Variants in PGM3 observed in about 807,000 individuals in gnomAD.
The protein encoded by PGM3 is phosphoacetylglucosamine mutase.
PGM3 carries 40 observed loss-of-function variants against 66.2 expected under a neutral mutation model. The ratio of observed to expected loss-of-function variants is 0.60; its 90% CI spans 0.47 to 0.79. The LOEUF (loss-of-function observed/expected upper bound fraction) is 0.79, where lower values mean the gene tolerates loss of function less well. Ranked by LOEUF, PGM3 falls within the 30% of genes least tolerant of loss-of-function variation. The pLI is 0.00. For synonymous variants in PGM3, 191 were observed against 224.2 expected, an observed-to-expected ratio of 0.85 and a Z score of 1.32; for missense variants, 537 against 643.4, an observed-to-expected ratio of 0.83 and a Z score of 1.79.
chr6:83,171,333 T>TA (rs1457135003), intron 11 of PGM3: 2 of 152,174 alleles, frequency 1.3e-5, no homozygotes, highest in African/African-American at 4.8e-5. Context: ...TTTTCCATAA[T>TA]AAAATCTCTT....
At chr6:83,174,861 T>C (rs1787638262) in intron 9 of PGM3, among the ~76,000 whole-genome samples, 1 of 152,326 alleles carries the variant, frequency 6.6e-6, no homozygotes, top group South Asian at 2.1e-4. Context: ...CTTTGAAGGA[T>C]ATAATTCATT....
At chr6:83,174,664 A>G (rs1787619401) in intron 9 of PGM3, among the ~76,000 whole-genome samples, 177 bp from the exon 10 acceptor site, 1 of 152,186 alleles carries the variant, frequency 6.6e-6, no homozygotes, top group East Asian at 1.9e-4. Flanking sequence ...AACCCAGAGG[A>G]TAGTACTAGG....
chr6:83,181,831 C>T lies in PGM3; in HGVS notation c.692G>A (p.Gly231Asp). 1.2e-6 allele frequency: 2 copies of T among 1,613,918 alleles called. No homozygotes were observed. The highest frequency in any genetic ancestry group is 2.2e-5 in the South Asian group (2 of 91,078). Residue 231 changes from glycine (G) to aspartate (D), a missense_variant, in exon 6 of 13, where the codon GGC becomes GAC. Physicochemically the swap from Gly to Asp is moderately conservative, Grantham distance 94 (BLOSUM62 -1). Transcript: ENST00000513973. ...ATCATTAAACAGCTGAACTGACAGG[C>T]CCTGTGAGAAGTAGTGTTCCATTTC... ...LREMEHYFSQGLSVQLFNDGS... is the reference protein window; with the variant it reads ...LREMEHYFSQDLSVQLFNDGS...
chr6:83,191,165 A>T, intron 1 of PGM3, 151 bp from the exon 2 acceptor site: 1 of 1,510,546 alleles, frequency 6.6e-7, no homozygotes, highest in South Asian at 1.2e-5. Context: ...GCAGGAGAGT[A>T]AGTCCTGTGG....
At chr6:83,179,203 T>C (rs1186156966) in intron 7 of PGM3, among the ~76,000 whole-genome samples, 1 of 149,544 alleles carries the variant, frequency 6.7e-6, no homozygotes, top group Non-Finnish European at 1.5e-5. Context: ...CCCAGCTACT[T>C]GGGAGGCTGA....
chr6:83,181,506 G>A (rs1386704638), intron 6 of PGM3, among the ~76,000 whole-genome samples: 5 of 152,112 alleles, frequency 3.3e-5, no homozygotes, highest in Non-Finnish European at 7.3e-5. Flanking sequence ...TCCTGACTTT[G>A]CTTTCCCCAC....
the PGM3 span, among the ~76,000 whole-genome samples, chr6:83,153,222 T>A: frequency 1.3e-5 from 2 of 152,184 alleles, no homozygotes; most frequent in Admixed American, 6.5e-5. Flanking sequence ...TAGTACTAAA[T>A]TCACTGTTTA....
intron 10 of PGM3, among the ~76,000 whole-genome samples, chr6:83,173,891 C>T (rs1424607743): frequency 6.6e-6 from 1 of 152,080 alleles, no homozygotes; most frequent in Non-Finnish European, 1.5e-5. Flanking sequence ...TGCCCGCCAC[C>T]ATGCCCGGCT....
chr6:83,166,994 T>G lies in PGM3; in HGVS notation c.*2240A>C. ...CTGCCCAAGTTCAACCAACCTGTTC[T>G]CTCTTATCTTTCTCTAGACAGAATG... On this transcript the variant is annotated 3_prime_UTR_variant, in exon 13 of 13. Transcript: ENST00000513973. The G allele has an allele frequency of 1.0e-6, 1 of 985,848 alleles. No homozygotes were observed. The highest frequency in any genetic ancestry group is 1.2e-6 in the Non-Finnish European group (1 of 830,236). 61.1% of individuals were successfully genotyped at this position (985,848 alleles called of 1,614,324 possible). A position where few individuals can be genotyped will look rare whatever the true frequency, so the allele number is the denominator to read the frequency against.
intron 1 of PGM3, 149 bp from the exon 2 acceptor site, chr6:83,191,163 G>A (rs563645147): frequency 1.3e-6 from 2 of 1,507,388 alleles, no homozygotes; most frequent in South Asian, 1.2e-5. Context: ...GGGCAGGAGA[G>A]TAAGTCCTGT....
intron 8 of PGM3, among the ~76,000 whole-genome samples, chr6:83,177,763 CA>C (rs1349517240): frequency 1.3e-5 from 2 of 152,096 alleles, no homozygotes; most frequent in Non-Finnish European, 2.9e-5. Flanking sequence ...GATACATGAC[CA>C]CTCTTGACAT....
intron 10 of PGM3, among the ~76,000 whole-genome samples, 155 bp from the exon 11 acceptor site, chr6:83,172,214 C>T (rs1476446469): frequency 6.6e-6 from 1 of 152,168 alleles, no homozygotes; most frequent in Non-Finnish European, 1.5e-5. Flanking sequence ...AAATTCCACA[C>T]CTGGCCTCCT....
intron 10 of PGM3, among the ~76,000 whole-genome samples, chr6:83,173,819 C>T (rs1037274541): frequency 3.3e-5 from 5 of 152,154 alleles, no homozygotes; most frequent in African/African-American, 1.2e-4. Flanking sequence ...TCACTGCAAG[C>T]TCTGCCTCCC....
downstream of PGM3, among the ~76,000 whole-genome samples, chr6:83,156,543 C>T (rs138639138): frequency 1.8e-4 from 28 of 152,274 alleles, no homozygotes; most frequent in African/African-American, 6.3e-4. Context: ...TCGGTAACTT[C>T]ATCAAGTGGG....
chr6:83,192,170 G>A (rs74556255), intron 1 of PGM3, among the ~76,000 whole-genome samples: 14,104 of 151,602 alleles, frequency 0.093, 847 homozygotes, highest in Non-Finnish European at 0.13. Context: ...GGAGGCTGAC[G>A]CAGGAGAATC....
At chr6:83,177,535 T>G (rs1015298793) in intron 8 of PGM3, among the ~76,000 whole-genome samples, 1 of 152,156 alleles carries the variant, frequency 6.6e-6, no homozygotes, top group Non-Finnish European at 1.5e-5. Context: ...TGCTAAGAGA[T>G]AGCAAAGATA....
Position 83,191,222 on chromosome 6 carries a change from T to C in PGM3, c.-2-208A>G, listed in dbSNP as rs1162624008. The C allele has an allele frequency of 1.8e-5, 28 of 1,535,304 alleles. No individual in the cohort carries two copies. Among genetic ancestry groups the C allele is most frequent in the Non-Finnish European group, 2.4e-5 (28 of 1,146,750 alleles). On this transcript the variant is annotated intron_variant, in intron 1 of 12. Transcript: ENST00000513973. ...TTGTCCAACTTGGTATGTCCACTCC[T>C]GGGCAGACTCAGGGCAGATAGCAGA...
chr6:83,148,957 G>C, the PGM3 span: 3 of 692,400 alleles, frequency 4.3e-6, no homozygotes, highest in East Asian at 1.0e-4. Flanking sequence ...AGGTGACAGT[G>C]ATCTCTCTAC....
At position 83,168,377 on chromosome 6, in the gene PGM3, A is replaced by G; in HGVS notation, c.*857T>C. 7.3e-7 allele frequency: 1 copy of G among 1,370,694 alleles called. No individual in the cohort carries two copies. Among genetic ancestry groups the G allele is most frequent in the South Asian group, 1.7e-5 (1 of 60,464 alleles). 84.9% of individuals were successfully genotyped at this position (1,370,694 alleles called of 1,614,324 possible). Reference sequence around the variant, plus strand: ...TTGGCTCATACTGATTATGGTGCCTAAGAGAGCTATATATATACACATGTA... The same window carrying G: ...TTGGCTCATACTGATTATGGTGCCTGAGAGAGCTATATATATACACATGTA... On this transcript the variant is annotated 3_prime_UTR_variant, in exon 13 of 13. Transcript: ENST00000513973.
Sources: gnomAD v4.1 joint callset for allele counts (sites outside exome capture counted in the v4.1 genomes callset) on GRCh38, gnomAD v4.1.1 for gene constraint, MANE v1.5 for transcripts, NCBI Gene and HGNC (gene_info 2026-07-23, HGNC 2026-07-21) for gene names.